PTPRD: variants seen among roughly 807,000 people sequenced by gnomAD.
PTPRD encodes protein tyrosine phosphatase receptor type D, also known as receptor-type tyrosine-protein phosphatase delta.
A neutral mutation model predicts 214.5 loss-of-function variants in PTPRD; 34 were observed. The observed-to-expected ratio is 0.16, with a 90% confidence interval of 0.12 to 0.21. The LOEUF is 0.21. Among genes scored for constraint, PTPRD ranks in the 10% least tolerant of loss-of-function variants. PTPRD has a pLI of 1.00. For missense variants in PTPRD, 2,545 were observed against 2,398.7 expected (o/e 1.06, Z -1.27); for synonymous variants, 1,128 against 845.7 (o/e 1.33, Z -5.79).
At chr9:8,892,693 A>C (rs1239148238) in intron 11 of PTPRD, among the ~76,000 whole-genome samples, 1 of 146,624 alleles carries the variant, frequency 6.8e-6, no homozygotes, top group African/African-American at 2.6e-5. Flanking sequence ...ATGAGTGTAT[A>C]TATATATATG....
chr9:8,471,216 C>G, intron 30 of PTPRD, 131 bp from the exon 31 acceptor site: 1 of 698,762 alleles, frequency 1.4e-6, no homozygotes, highest in Non-Finnish European at 2.6e-6. Context: ...CCATTTCTTA[C>G]ATCAATGACA....
At chr9:8,504,181 G>A in intron 23 of PTPRD, 80 bp downstream of exon 23, 1 of 1,421,898 alleles carries the variant, frequency 7.0e-7, no homozygotes, top group Non-Finnish European at 9.9e-7. Flanking sequence ...TAGCAGGTTT[G>A]CTTATTGGTG....
At chr9:8,500,557 T>C (rs956956137) in intron 24 of PTPRD, among the ~76,000 whole-genome samples, 197 bp downstream of exon 24, 2 of 4,348 alleles carry the variant, frequency 4.6e-4, no homozygotes, top group South Asian at 9.8e-3. Flanking sequence ...TTGAAAAAAA[T>C]GAAAAAAAAA....
intron 2 of PTPRD, among the ~76,000 whole-genome samples, chr9:10,584,623 CCTCT>C (rs941935710): frequency 6.6e-6 from 1 of 152,044 alleles, no homozygotes; most frequent in South Asian, 2.1e-4. Context: ...CACCATTTTT[CCTCT>C]CTATGATATC....
At chr9:9,379,455 T>C (rs1157093798) in intron 9 of PTPRD, among the ~76,000 whole-genome samples, 3 of 151,864 alleles carry the variant, frequency 2.0e-5, no homozygotes, top group Non-Finnish European at 4.4e-5. Flanking sequence ...TATTAAGTGT[T>C]CAAGTCAGGT....
chr9:10,107,159 C>G (rs1443753792), intron 3 of PTPRD, among the ~76,000 whole-genome samples: 1 of 151,752 alleles, frequency 6.6e-6, no homozygotes, highest in African/African-American at 2.4e-5. Flanking sequence ...AATGGGATAA[C>G]AAAAATGAAA....
At chr9:9,955,521 GTTTTGTTTTT>G (rs1479104508) in intron 4 of PTPRD, among the ~76,000 whole-genome samples, 39 of 145,546 alleles carry the variant, frequency 2.7e-4, no homozygotes, top group African/African-American at 1.0e-3. Context: ...GTTTTGTTTT[GTTTTGTTTTT>G]TTTTTTTTTT....
chr9:9,906,434 T>C (rs1202776642), intron 5 of PTPRD, among the ~76,000 whole-genome samples: 2 of 151,926 alleles, frequency 1.3e-5, no homozygotes, highest in African/African-American at 2.4e-5. Flanking sequence ...TATCTTTTAC[T>C]GGTTAACCTG....
intron 33 of PTPRD, among the ~76,000 whole-genome samples, chr9:8,458,468 A>G (rs2096278548): frequency 6.6e-6 from 1 of 152,136 alleles, no homozygotes; most frequent in Admixed American, 6.6e-5. Context: ...GTCATGTCAT[A>G]TGGTCTAGAA....
intron 12 of PTPRD, among the ~76,000 whole-genome samples, chr9:8,717,544 A>G (rs1319261111): frequency 2.6e-5 from 4 of 152,294 alleles, no homozygotes; most frequent in Admixed American, 2.0e-4. Flanking sequence ...CCAGTGACCT[A>G]TTGAAAATTC....
chr9:8,989,989 G>A (rs1476870551), intron 11 of PTPRD, among the ~76,000 whole-genome samples: 1 of 152,132 alleles, frequency 6.6e-6, no homozygotes, highest in East Asian at 1.9e-4. Context: ...ATTTGAAAAT[G>A]AACTATCATA....
At chr9:9,260,923 C>T (rs757776483) in intron 9 of PTPRD, among the ~76,000 whole-genome samples, 1 of 151,818 alleles carries the variant, frequency 6.6e-6, no homozygotes, top group African/African-American at 2.4e-5. Flanking sequence ...TCAGAAACAG[C>T]CCAAAGATGA....
intron 14 of PTPRD, among the ~76,000 whole-genome samples, chr9:8,543,088 G>A (rs770706659): frequency 2.0e-5 from 3 of 152,076 alleles, no homozygotes; most frequent in African/African-American, 4.8e-5. Context: ...GATAACTCAC[G>A]GCTGTCACAT....
At chr9:8,912,451 G>C (rs549984969) in intron 11 of PTPRD, among the ~76,000 whole-genome samples, 1 of 152,066 alleles carries the variant, frequency 6.6e-6, no homozygotes, top group East Asian at 1.9e-4. Context: ...TTTACAGAAA[G>C]GACAAACCTA....
intron 14 of PTPRD, among the ~76,000 whole-genome samples, chr9:8,568,346 G>C (rs73421077): frequency 0.032 from 4,821 of 152,114 alleles, 256 homozygotes; most frequent in African/African-American, 0.11. Flanking sequence ...TACTAACAGT[G>C]ATTTCAAGGC....
At chr9:8,942,292 T>C (rs2099038899) in intron 11 of PTPRD, among the ~76,000 whole-genome samples, 1 of 152,246 alleles carries the variant, frequency 6.6e-6, no homozygotes, top group Non-Finnish European at 1.5e-5. Flanking sequence ...TAGGTTTAAA[T>C]TCTTTTATTA....
chr9:10,589,719 T>C (rs1269511836), intron 2 of PTPRD, among the ~76,000 whole-genome samples: 1 of 151,922 alleles, frequency 6.6e-6, no homozygotes, highest in Non-Finnish European at 1.5e-5. Context: ...CTATGAGATA[T>C]CAGATATTCA....
At chr9:8,677,378 A>G (rs1010472376) in intron 12 of PTPRD, among the ~76,000 whole-genome samples, 1 of 152,230 alleles carries the variant, frequency 6.6e-6, no homozygotes, top group Admixed American at 6.5e-5. Context: ...AGTAACACAG[A>G]TGGAGTGGGA....
intron 2 of PTPRD, among the ~76,000 whole-genome samples, chr9:10,432,872 T>G (rs975945545): frequency 7.9e-5 from 12 of 152,078 alleles, no homozygotes; most frequent in Non-Finnish European, 1.5e-4. Context: ...TACCTCATTA[T>G]TTTTGCTCAT....
Sources: gnomAD v4.1 joint callset for allele counts (sites outside exome capture counted in the v4.1 genomes callset) on GRCh38, gnomAD v4.1.1 for gene constraint, MANE v1.5 for transcripts, NCBI Gene and HGNC (gene_info 2026-07-23, HGNC 2026-07-21) for gene names.